The following ANO3 variants were observed in gnomAD, a reference collection of about 807,000 sequenced individuals.
ANO3 encodes the protein anoctamin-3.
A neutral mutation model predicts 144.8 loss-of-function variants in ANO3; 99 were observed. The observed-to-expected ratio is 0.68, with a 90% CI of 0.58 to 0.81. ANO3 has a LOEUF of 0.81. ANO3 is among the 30% of genes least tolerant of loss of function. The pLI is 0.00. For synonymous variants in ANO3, 414 were observed against 392.6 expected (o/e 1.05, Z -0.64); for missense variants, 905 against 1,202.2 (o/e 0.75, Z 3.66).
At chr11:26,565,531 G>A (rs750136482) in intron 14 of ANO3, 2 of 1,613,394 alleles carry the variant, frequency 1.2e-6, no homozygotes, top group Admixed American at 1.7e-5. Context: ...ATCAAGGGAG[G>A]GCTTGTGGAA....
chr11:26,476,913 GT>G, intron 4 of ANO3, among the ~76,000 whole-genome samples: 1 of 142,750 alleles, frequency 7.0e-6, no homozygotes, highest in South Asian at 2.3e-4. Context: ...ATGTGTGTGT[GT>G]GTGTGTGTGT....
At chr11:26,598,577 A>G (rs2132925768) in intron 15 of ANO3, 130 bp downstream of exon 15, 3 of 657,046 alleles carry the variant, frequency 4.6e-6, no homozygotes, top group Middle Eastern at 5.1e-4. Context: ...CCTACTAAAA[A>G]GATTTATTAT....
intron 1 of ANO3, among the ~76,000 whole-genome samples, chr11:26,297,384 G>A (rs1246437057): frequency 6.6e-6 from 1 of 152,126 alleles, no homozygotes; most frequent in Admixed American, 6.5e-5. Context: ...TTGTGGGCCT[G>A]TCATACAATG....
chr11:26,568,743 A>T (rs905500990), intron 14 of ANO3, among the ~76,000 whole-genome samples: 2 of 152,192 alleles, frequency 1.3e-5, no homozygotes, highest in East Asian at 3.9e-4. Context: ...ATATTTACTT[A>T]AATTGATGCC....
intron 1 of ANO3, among the ~76,000 whole-genome samples, chr11:26,402,860 A>C (rs1167773409): frequency 6.6e-6 from 1 of 151,972 alleles, no homozygotes; most frequent in African/African-American, 2.4e-5. Flanking sequence ...AATTTAAAAT[A>C]AAAATTAAAA....
At chr11:26,457,105 T>C (rs1301533749) in intron 3 of ANO3, among the ~76,000 whole-genome samples, 5 of 142,226 alleles carry the variant, frequency 3.5e-5, no homozygotes, top group African/African-American at 1.3e-4. Flanking sequence ...GGGATAGCAT[T>C]GGGAGATATA....
At chr11:26,612,685 G>A (rs1852133637) in intron 17 of ANO3, among the ~76,000 whole-genome samples, 1 of 152,028 alleles carries the variant, frequency 6.6e-6, no homozygotes, top group African/African-American at 2.4e-5. Flanking sequence ...GGCCAGTCTA[G>A]TGGTGACAAA....
At chr11:26,616,735 T>C (rs1311984552) in intron 17 of ANO3, among the ~76,000 whole-genome samples, 1 of 151,732 alleles carries the variant, frequency 6.6e-6, no homozygotes, top group Non-Finnish European at 1.5e-5. Flanking sequence ...GAATGGGAGG[T>C]TTACCCTCAA....
At chr11:26,634,410 A>G in intron 19 of ANO3, 95 bp downstream of exon 19, 1 of 737,642 alleles carries the variant, frequency 1.4e-6, no homozygotes, top group South Asian at 2.1e-5. Context: ...GATTTCTGAC[A>G]GCCACCAGCA....
At chr11:26,584,685 CT>C (rs1851228894) in intron 14 of ANO3, among the ~76,000 whole-genome samples, 1 of 152,114 alleles carries the variant, frequency 6.6e-6, no homozygotes, top group African/African-American at 2.4e-5. Flanking sequence ...TAAAAAAGTG[CT>C]GAAGATGCAC....
At chr11:26,204,091 T>G (rs1851750087) in intron 1 of ANO3, among the ~76,000 whole-genome samples, 1 of 152,090 alleles carries the variant, frequency 6.6e-6, no homozygotes, top group Non-Finnish European at 1.5e-5. Context: ...TATGGAATGG[T>G]TTTTTTAGTG....
intron 1 of ANO3, among the ~76,000 whole-genome samples, chr11:26,429,906 AC>A (rs139357916): frequency 0.052 from 7,943 of 152,150 alleles, 245 homozygotes; most frequent in African/African-American, 0.08. Context: ...GAAAGTTAAC[AC>A]CCTTATTTCA....
intron 10 of ANO3, among the ~76,000 whole-genome samples, chr11:26,539,124 C>A (rs511371): frequency 0.73 from 107,631 of 147,204 alleles, 38,627 homozygotes; most frequent in East Asian, 0.85. Context: ...ATAAAGGGAA[C>A]AAGAGAAATA....
intron 1 of ANO3, among the ~76,000 whole-genome samples, chr11:26,427,634 A>G (rs1857956615): frequency 6.6e-6 from 1 of 152,168 alleles, no homozygotes; most frequent in African/African-American, 2.4e-5. Flanking sequence ...ACTAATCAGC[A>G]AACAGCTGTT....
chr11:26,658,981 A>G (rs1370589080), intron 26 of ANO3, among the ~76,000 whole-genome samples: 1 of 152,030 alleles, frequency 6.6e-6, no homozygotes, highest in Non-Finnish European at 1.5e-5. Flanking sequence ...AGAAATTGAA[A>G]TATCTACTCT....
At chr11:26,311,035 A>G (rs543433073) in intron 1 of ANO3, among the ~76,000 whole-genome samples, 3 of 152,328 alleles carry the variant, frequency 2.0e-5, no homozygotes, top group African/African-American at 7.2e-5. Flanking sequence ...ACAGGTCATT[A>G]TCAGAAGTTT....
intron 1 of ANO3, among the ~76,000 whole-genome samples, chr11:26,311,468 A>C (rs565425838): frequency 1.2e-4 from 19 of 152,234 alleles, no homozygotes; most frequent in Non-Finnish European, 2.4e-4. Flanking sequence ...ATTCCCATTG[A>C]CTATGAAATT....
intron 1 of ANO3, among the ~76,000 whole-genome samples, chr11:26,287,073 C>A (rs1448830920): frequency 6.6e-6 from 1 of 152,104 alleles, no homozygotes; most frequent in African/African-American, 2.4e-5. Flanking sequence ...CAATTAGGTT[C>A]ATGGATATTT....
At chr11:26,633,882 C>T (rs1176745175) in intron 18 of ANO3, among the ~76,000 whole-genome samples, 2 of 151,902 alleles carry the variant, frequency 1.3e-5, no homozygotes, top group South Asian at 2.1e-4. Context: ...TCGAGACCAC[C>T]GTGGCGAACA....
Sources: allele counts gnomAD v4.1 joint callset (sites outside exome capture counted in the v4.1 genomes callset), GRCh38; gene constraint gnomAD v4.1.1; transcripts MANE v1.5; gene names NCBI Gene and HGNC (gene_info 2026-07-23, HGNC 2026-07-21).